Variants in CPQ observed in about 807,000 individuals in gnomAD.
The protein encoded by CPQ is carboxypeptidase Q.
CPQ carries 37 observed loss-of-function variants against 45.7 expected under a neutral mutation model. The observed-to-expected ratio is 0.81, with a 90% CI of 0.62 to 1.07. The LOEUF (loss-of-function observed/expected upper bound fraction) is 1.07, where lower values mean the gene tolerates loss of function less well. Among genes scored for constraint, CPQ ranks in the 50% least tolerant of loss-of-function variants. The pLI is 0.00. For synonymous variants in CPQ, 186 were observed against 205.8 expected, an observed-to-expected ratio of 0.90 and a Z score of 0.82; for missense variants, 537 against 572.9, an observed-to-expected ratio of 0.94 and a Z score of 0.64.
intron 1 of CPQ, among the ~76,000 whole-genome samples, chr8:96,773,107 A>G (rs1810567006): frequency 6.6e-6 from 1 of 152,188 alleles, no homozygotes; most frequent in African/African-American, 2.4e-5. Context: ...AGTTTAAAGG[A>G]GCAAATGAAT....
In CPQ at chr8:96,860,142, C is replaced by T. The variant is rs550815312; in HGVS notation, c.642-19656C>T. 1.2e-4 allele frequency among the ~76,000 whole-genome samples: 19 copies of T among 152,162 alleles called. 1 individual carries two copies. The East Asian group carries it at 3.3e-3, about 26-fold the overall frequency. On this transcript the variant is annotated intron_variant, in intron 3 of 7. Coordinates refer to ENST00000220763, the MANE Select transcript of CPQ (RefSeq NM_016134.4). Reference sequence around the variant, plus strand: ...ACTGAAAGCTTACCTGCTGTGTTGTCCTTGCCACTCTTACCTCAGTGCTCT... The same window carrying T: ...ACTGAAAGCTTACCTGCTGTGTTGTTCTTGCCACTCTTACCTCAGTGCTCT...
At chr8:96,668,682 C>G (rs936688179) in intron 1 of CPQ, among the ~76,000 whole-genome samples, 17 of 151,992 alleles carry the variant, frequency 1.1e-4, no homozygotes, top group African/African-American at 4.1e-4. Flanking sequence ...ACTAAAAACC[C>G]TTGACATTAT....
intron 6 of CPQ, among the ~76,000 whole-genome samples, chr8:97,043,716 A>G (rs1253804640): frequency 2.0e-5 from 3 of 152,106 alleles, no homozygotes; most frequent in African/African-American, 4.8e-5. Context: ...TTGTCTGTAA[A>G]GTATTTTATT....
intron 5 of CPQ, among the ~76,000 whole-genome samples, chr8:97,008,189 CAG>C (rs1809420992): frequency 2.0e-5 from 3 of 151,896 alleles, no homozygotes; most frequent in Admixed American, 1.3e-4. Context: ...AATTTAAAGA[CAG>C]AATTATTTGC....
chr8:96,794,086 C>T (rs968517467), intron 2 of CPQ, among the ~76,000 whole-genome samples: 11 of 152,200 alleles, frequency 7.2e-5, no homozygotes, highest in East Asian at 1.9e-4. Context: ...CCTCTTCTCA[C>T]AGCTCCACTA....
intron 4 of CPQ, among the ~76,000 whole-genome samples, chr8:96,947,530 G>A (rs578063442): frequency 3.3e-5 from 5 of 151,994 alleles, no homozygotes; most frequent in South Asian, 2.1e-4. Context: ...TCTTATAATT[G>A]ATTTGGCTAT....
chr8:97,098,394 C>A (rs889735659), intron 7 of CPQ, among the ~76,000 whole-genome samples: 2 of 152,078 alleles, frequency 1.3e-5, no homozygotes, highest in African/African-American at 4.8e-5. Flanking sequence ...AGTGCTTTTC[C>A]CCCTCCCAAA....
At chr8:96,903,434 G>T (rs1027732956) in intron 4 of CPQ, among the ~76,000 whole-genome samples, 2 of 152,170 alleles carry the variant, frequency 1.3e-5, no homozygotes, top group African/African-American at 4.8e-5. Context: ...TTAACAAGAA[G>T]TTGTTGTAAG....
intron 4 of CPQ, among the ~76,000 whole-genome samples, chr8:96,900,112 A>G (rs1017113666): frequency 6.6e-6 from 1 of 152,194 alleles, no homozygotes; most frequent in Non-Finnish European, 1.5e-5. Flanking sequence ...AGTTGAGAAA[A>G]GGGGGCTCAG....
At chr8:96,795,050 G>C (rs1334587662) in intron 2 of CPQ, among the ~76,000 whole-genome samples, 1 of 152,100 alleles carries the variant, frequency 6.6e-6, no homozygotes, top group African/African-American at 2.4e-5. Context: ...CTGTTACCCA[G>C]TTCCAAAGTT....
At chr8:97,012,588 A>G (rs1010402058) in intron 5 of CPQ, among the ~76,000 whole-genome samples, 3 of 152,150 alleles carry the variant, frequency 2.0e-5, no homozygotes, top group Admixed American at 2.0e-4. Flanking sequence ...ACCTCTGTAC[A>G]CTTGACCCTA....
chr8:97,081,863 C>A (rs1467341659), intron 7 of CPQ, among the ~76,000 whole-genome samples: 2 of 152,138 alleles, frequency 1.3e-5, no homozygotes, highest in African/African-American at 4.8e-5. Context: ...TTAGGAAAGT[C>A]ATTTCACTCC....
chr8:96,870,411 G>A (rs1299561381), intron 3 of CPQ, among the ~76,000 whole-genome samples: 1 of 151,878 alleles, frequency 6.6e-6, no homozygotes, highest in African/African-American at 2.4e-5. Context: ...AGCCCACTAT[G>A]TATCATCAAT....
chr8:96,699,008 A>G (rs1471057450), intron 1 of CPQ, among the ~76,000 whole-genome samples: 1 of 152,190 alleles, frequency 6.6e-6, no homozygotes, highest in Non-Finnish European at 1.5e-5. Flanking sequence ...GGAACTCAGT[A>G]TATTGAAGAG....
At chr8:96,895,388 G>A (rs13262765) in intron 4 of CPQ, among the ~76,000 whole-genome samples, 58,261 of 151,884 alleles carry the variant, frequency 0.38, 11,844 homozygotes, top group Non-Finnish European at 0.46. Context: ...GTCAAATCTA[G>A]TTGTTGTTTA....
intron 4 of CPQ, among the ~76,000 whole-genome samples, chr8:96,905,210 C>T (rs57643950): frequency 3.3e-5 from 5 of 152,058 alleles, no homozygotes; most frequent in African/African-American, 1.2e-4. Context: ...TTAAAACCAT[C>T]AGATCTTGTG....
chr8:97,044,094 C>T (rs1302905691), intron 6 of CPQ, among the ~76,000 whole-genome samples: 1 of 152,196 alleles, frequency 6.6e-6, no homozygotes, highest in Non-Finnish European at 1.5e-5. Flanking sequence ...AACTTGGTTC[C>T]ATTCTGCCTG....
intron 4 of CPQ, among the ~76,000 whole-genome samples, chr8:96,898,176 A>AATC (rs1812468143): frequency 6.6e-6 from 1 of 152,106 alleles, no homozygotes; most frequent in South Asian, 2.1e-4. Context: ...AGAGCGATAG[A>AATC]TGAGATTGGG....
intron 4 of CPQ, among the ~76,000 whole-genome samples, chr8:96,962,118 C>T (rs1252143964): frequency 6.6e-6 from 1 of 152,154 alleles, no homozygotes; most frequent in African/African-American, 2.4e-5. Context: ...CAGTGCATTT[C>T]TGTTCGACTG....
Sources: allele counts gnomAD v4.1 joint callset (sites outside exome capture counted in the v4.1 genomes callset), GRCh38; gene constraint gnomAD v4.1.1; transcripts MANE v1.5; gene names NCBI Gene and HGNC (gene_info 2026-07-23, HGNC 2026-07-21).